The following EPHB1 variants were observed in gnomAD, a reference collection of about 807,000 sequenced individuals.
EPHB1 encodes EPH receptor B1.
A neutral mutation model predicts 94.4 loss-of-function variants in EPHB1; 30 were observed. That is an observed-to-expected ratio of 0.32 (90% CI 0.24 to 0.43). The LOEUF (loss-of-function observed/expected upper bound fraction) is 0.43. Ranked by LOEUF, EPHB1 falls within the 20% of genes least tolerant of loss-of-function variation. EPHB1 has a pLI of 1.00. For synonymous variants in EPHB1, 522 were observed against 489.1 expected, an observed-to-expected ratio of 1.07 and a Z score of -0.89; for missense variants, 1,055 against 1,308.3, an observed-to-expected ratio of 0.81 and a Z score of 2.99.
intron 3 of EPHB1, among the ~76,000 whole-genome samples, chr3:135,036,644 A>T (rs1936657078): frequency 6.6e-6 from 1 of 152,142 alleles, no homozygotes; most frequent in African/African-American, 2.4e-5. Flanking sequence ...CCTGGCCTTC[A>T]TCTTCTTCTG....
At chr3:134,974,861 G>A (rs1306987870) in intron 3 of EPHB1, among the ~76,000 whole-genome samples, 3 of 102,620 alleles carry the variant, frequency 2.9e-5, no homozygotes, top group African/African-American at 1.5e-4. Context: ...AGCACGGGAG[G>A]GGCTCTCAGC....
At chr3:134,942,448 T>A (rs939928800) in intron 2 of EPHB1, among the ~76,000 whole-genome samples, 1 of 152,152 alleles carries the variant, frequency 6.6e-6, no homozygotes, top group African/African-American at 2.4e-5. Context: ...CCTCCTATGA[T>A]GAGGAGCAAA....
chr3:135,083,047 A>G (rs2107787856), intron 3 of EPHB1, among the ~76,000 whole-genome samples: 1 of 152,346 alleles, frequency 6.6e-6, no homozygotes, highest in African/African-American at 2.4e-5. Flanking sequence ...AGAGGAAGCC[A>G]GAAAGCCATG....
intron 1 of EPHB1, among the ~76,000 whole-genome samples, chr3:134,857,139 G>A (rs980210287): frequency 3.3e-5 from 5 of 152,342 alleles, no homozygotes; most frequent in African/African-American, 1.2e-4. Flanking sequence ...GCCTTGGGGG[G>A]CAGGGAGGTG....
At chr3:135,033,840 C>T (rs1424161853) in intron 3 of EPHB1, among the ~76,000 whole-genome samples, 2 of 152,128 alleles carry the variant, frequency 1.3e-5, no homozygotes, top group Non-Finnish European at 2.9e-5. Flanking sequence ...TGTATCCCTG[C>T]CCTGGCCTCT....
At chr3:134,807,774 A>T (rs1476632336) in intron 1 of EPHB1, among the ~76,000 whole-genome samples, 1 of 152,122 alleles carries the variant, frequency 6.6e-6, no homozygotes, top group South Asian at 2.1e-4. Context: ...ACCAATAAGG[A>T]TGGGGATGTA....
At chr3:135,111,960 G>A (rs1428207370) in intron 4 of EPHB1, among the ~76,000 whole-genome samples, 3 of 152,226 alleles carry the variant, frequency 2.0e-5, no homozygotes, top group African/African-American at 4.8e-5. Flanking sequence ...TTATAGGCGT[G>A]AGCCACCGCG....
At position 134,892,096 on chromosome 3, in the gene EPHB1, T is replaced by C. The variant is rs565404662; in HGVS notation, c.59-33720T>C. Among the ~76,000 whole-genome samples the C allele has an allele frequency of 3.3e-5, 5 of 152,382 alleles. No homozygotes were observed. The South Asian group carries it at 8.3e-4, about 25-fold the overall frequency. The stretch of plus-strand genomic sequence containing the variant: ...AGTACTTTGCAGTTTTAAAGCAGGT[T>C]CTTTTTCAGAGTTGAATTTATAAAG... On this transcript the variant is annotated intron_variant, in intron 1 of 15. Coordinates refer to ENST00000398015, the MANE Select transcript of EPHB1 (RefSeq NM_004441.5).
chr3:134,998,644 T>C (rs1935075416), intron 3 of EPHB1, among the ~76,000 whole-genome samples: 1 of 152,258 alleles, frequency 6.6e-6, no homozygotes, highest in African/African-American at 2.4e-5. Context: ...GTGTGAATGC[T>C]TTGGGGATAC....
intron 3 of EPHB1, among the ~76,000 whole-genome samples, chr3:134,955,925 C>G (rs1451573145): frequency 2.6e-5 from 4 of 152,350 alleles, no homozygotes; most frequent in Admixed American, 6.5e-5. Flanking sequence ...CTTCTCCCCT[C>G]TTCCCTGCTG....
chr3:134,857,708 C>T (rs1354483595), intron 1 of EPHB1, among the ~76,000 whole-genome samples: 2 of 152,168 alleles, frequency 1.3e-5, no homozygotes, highest in African/African-American at 4.8e-5. Flanking sequence ...ACACCAAGTA[C>T]ATTCCAAGGG....
intron 3 of EPHB1, among the ~76,000 whole-genome samples, chr3:134,987,720 G>A (rs1177116060): frequency 2.0e-5 from 3 of 152,138 alleles, no homozygotes; most frequent in South Asian, 2.1e-4. Flanking sequence ...GCAGTGAGCC[G>A]AGATCACGCC....
intron 5 of EPHB1, among the ~76,000 whole-genome samples, chr3:135,148,206 A>G (rs1941077691): frequency 6.6e-6 from 1 of 152,332 alleles, no homozygotes; most frequent in East Asian, 1.9e-4. Context: ...GGAATCTGAG[A>G]TGCTTAATTG....
chr3:134,866,890 C>G (rs891315559), intron 1 of EPHB1, among the ~76,000 whole-genome samples: 1 of 152,166 alleles, frequency 6.6e-6, no homozygotes, highest in African/African-American at 2.4e-5. Context: ...CCCTCTTGCC[C>G]ACACATCTCT....
At chr3:135,182,609 G>A (rs966760914) in intron 10 of EPHB1, among the ~76,000 whole-genome samples, 3 of 152,188 alleles carry the variant, frequency 2.0e-5, no homozygotes, top group Non-Finnish European at 4.4e-5. Flanking sequence ...TTCTTGGAGG[G>A]GCTGAGCATA....
At chr3:135,094,481 C>T (rs1032243810) in intron 3 of EPHB1, among the ~76,000 whole-genome samples, 3 of 152,126 alleles carry the variant, frequency 2.0e-5, no homozygotes, top group African/African-American at 7.2e-5. Context: ...AGGGGCCTGT[C>T]GGCTGCCTCC....
chr3:135,060,093 C>T (rs1211424832), intron 3 of EPHB1, among the ~76,000 whole-genome samples: 1 of 152,154 alleles, frequency 6.6e-6, no homozygotes, highest in Non-Finnish European at 1.5e-5. Flanking sequence ...TAGTATTATC[C>T]ACAAAGCTGC....
chr3:134,968,856 G>A (rs924996311), intron 3 of EPHB1, among the ~76,000 whole-genome samples: 3 of 152,128 alleles, frequency 2.0e-5, no homozygotes, highest in East Asian at 3.8e-4. Flanking sequence ...TAATGCCTGC[G>A]AGATTCATCT....
At chr3:135,045,773 A>C (rs536920183) in intron 3 of EPHB1, among the ~76,000 whole-genome samples, 3 of 152,342 alleles carry the variant, frequency 2.0e-5, no homozygotes, top group African/African-American at 7.2e-5. Flanking sequence ...GATGTGACCA[A>C]ATCAAGCCAG....
Sources: allele counts gnomAD v4.1 joint callset (sites outside exome capture counted in the v4.1 genomes callset), GRCh38; gene constraint gnomAD v4.1.1; transcripts MANE v1.5; gene names NCBI Gene and HGNC (gene_info 2026-07-23, HGNC 2026-07-21).